NEBL: variants seen among roughly 807,000 people sequenced by gnomAD.
The protein encoded by NEBL is LIM and SH3 protein 2.
NEBL carries 122 observed loss-of-function variants against 140.2 expected under a neutral mutation model. That is an observed-to-expected ratio of 0.87 (90% CI 0.75 to 1.01). The LOEUF (loss-of-function observed/expected upper bound fraction) is 1.01, where lower values mean the gene tolerates loss of function less well. Ranked by LOEUF, NEBL falls within the 50% of genes least tolerant of loss-of-function variation. The pLI is 0.00. For synonymous variants in NEBL, 436 were observed against 398.9 expected (o/e 1.09, Z -1.11); for missense variants, 1,365 against 1,231.3 (o/e 1.11, Z -1.62).
intron 4 of NEBL, among the ~76,000 whole-genome samples, chr10:20,914,476 T>C (rs575905124): frequency 6.6e-6 from 1 of 152,352 alleles, no homozygotes; most frequent in South Asian, 2.1e-4. Flanking sequence ...GAAGCAAACA[T>C]TCCTAATACA....
In NEBL at chr10:21,120,374, CAA is replaced by C. The variant is rs1157067083; in HGVS notation, c.164+52007_164+52008del. 2.1e-4 allele frequency among the ~76,000 whole-genome samples: 10 copies of C among 48,392 alleles called. 1 individual carries two copies. The highest frequency in any genetic ancestry group is 9.2e-4 in the African/African-American group (10 of 10,822). The allele number at this position is 48,392 out of a possible 152,430, so 31.7% of individuals were successfully genotyped here. A position where few individuals can be genotyped will look rare whatever the true frequency, so the allele number is the denominator to read the frequency against. Reference sequence around the variant, plus strand: ...TGGGCAACAGAGTGAGACTGTGTCTCAAAAAAAAAAAAAAAATACATATATAT... The same window carrying C: ...TGGGCAACAGAGTGAGACTGTGTCTCAAAAAAAAAAAAAATACATATATAT... On this transcript the variant is annotated intron_variant, in intron 2 of 6. Coordinates refer to the NEBL transcript ENST00000417816.
chr10:21,248,891 T>C (rs1842552490), intron 2 of NEBL, among the ~76,000 whole-genome samples: 2 of 152,154 alleles, frequency 1.3e-5, no homozygotes. Context: ...TGATGTCTCA[T>C]TGTGGTTTTG....
rs1841185658 is a variant in NEBL, at chr10:21,173,688, C to G, written c.69+77G>C. 2 of 1,605,732 alleles carry G rather than the reference C, an allele frequency of 1.2e-6. No homozygotes were observed. Among genetic ancestry groups the G allele is most frequent in the African/African-American group, 2.7e-5 (2 of 74,888 alleles). ...CCGACCCACTCATTGCTTTCCATCCCAGGTGCCAAAACTTCTCGAAGCAGG... is the reference window on the plus strand; with the variant it reads ...CCGACCCACTCATTGCTTTCCATCCGAGGTGCCAAAACTTCTCGAAGCAGG... On this transcript the variant is annotated intron_variant, in intron 1 of 6. Transcript: ENST00000417816. The surrounding 1 kb of genome is among the most constrained non-coding windows in gnomAD (Gnocchi z 5.7).
At chr10:20,887,971 G>A in intron 4 of NEBL, 126 bp downstream of exon 4, 1 of 733,990 alleles carries the variant, frequency 1.4e-6, no homozygotes, top group Non-Finnish European at 2.4e-6. Context: ...ACATTAATCA[G>A]TTGCTTTCAA....
intron 3 of NEBL, among the ~76,000 whole-genome samples, chr10:21,247,449 T>G (rs1842532750): frequency 6.6e-6 from 1 of 151,806 alleles, no homozygotes; most frequent in Non-Finnish European, 1.5e-5. Flanking sequence ...GGGGTTGGAG[T>G]TGGGGGAGCA....
At chr10:20,861,921 T>C (rs1045885554) in intron 7 of NEBL, among the ~76,000 whole-genome samples, 5 of 152,156 alleles carry the variant, frequency 3.3e-5, no homozygotes, top group Non-Finnish European at 7.4e-5. Context: ...ACCCCTAACC[T>C]ACCAAACATC....
intron 26 of NEBL, among the ~76,000 whole-genome samples, chr10:20,803,062 G>T (rs1837271360): frequency 6.6e-6 from 1 of 152,070 alleles, no homozygotes. Flanking sequence ...GCCACCGCAG[G>T]ACACCACTGC....
At chr10:20,925,647 C>T (rs528283656) in intron 4 of NEBL, among the ~76,000 whole-genome samples, 3 of 151,958 alleles carry the variant, frequency 2.0e-5, no homozygotes, top group African/African-American at 7.2e-5. Flanking sequence ...CCTTAACCCA[C>T]ACATTTAGAA....
intron 1 of NEBL, among the ~76,000 whole-genome samples, chr10:21,287,063 G>C (rs1843065622): frequency 6.6e-6 from 1 of 152,256 alleles, no homozygotes; most frequent in South Asian, 2.1e-4. Context: ...TAAGAACCAA[G>C]GCTGGTTACG....
chr10:21,023,620 A>T (rs1838890509), intron 2 of NEBL, among the ~76,000 whole-genome samples: 2 of 152,224 alleles, frequency 1.3e-5, no homozygotes, highest in Middle Eastern at 3.4e-3. Context: ...GCTGGAACCC[A>T]GGAGGCGGAG....
chr10:21,275,171 C>T (rs536049543), intron 1 of NEBL, among the ~76,000 whole-genome samples: 1 of 152,286 alleles, frequency 6.6e-6, no homozygotes, highest in Admixed American at 6.5e-5. Context: ...GCCTCATGAG[C>T]GACCCTGGAG....
intron 3 of NEBL, among the ~76,000 whole-genome samples, chr10:21,019,863 TTGACTC>T (rs1258620471): frequency 6.6e-6 from 1 of 152,206 alleles, no homozygotes; most frequent in Non-Finnish European, 1.5e-5. Context: ...TTGGGAAACA[TTGACTC>T]TGACCGGAAC....
intron 3 of NEBL, among the ~76,000 whole-genome samples, chr10:21,018,315 G>A (rs928517827): frequency 1.3e-5 from 2 of 152,180 alleles, no homozygotes; most frequent in Non-Finnish European, 2.9e-5. Context: ...TCTATGTCCA[G>A]TGTGTACTTG....
At chr10:21,166,319 C>T (rs559331258) in intron 2 of NEBL, among the ~76,000 whole-genome samples, 5 of 151,568 alleles carry the variant, frequency 3.3e-5, no homozygotes, top group South Asian at 4.2e-4. Context: ...AAAAGTTTGC[C>T]GAAAGAATTC....
chr10:21,184,387 G>A (rs889218319), intron 3 of NEBL, among the ~76,000 whole-genome samples: 2 of 152,154 alleles, frequency 1.3e-5, no homozygotes, highest in Non-Finnish European at 2.9e-5. Flanking sequence ...TTTCCCTTCA[G>A]GATAATGACT....
chr10:20,792,123 G>GAAAAAAAAAAAAAAAAAAAA (rs11286684), intron 26 of NEBL, among the ~76,000 whole-genome samples: 1 of 106,748 alleles, frequency 9.4e-6, no homozygotes, highest in African/African-American at 3.1e-5. Context: ...ATTCCAAATA[G>GAAAAAAAAAAAAAAAAAAAA]AAAAAAAAAA....
chr10:21,164,502 C>T (rs1840681612), intron 2 of NEBL, among the ~76,000 whole-genome samples: 2 of 152,208 alleles, frequency 1.3e-5, no homozygotes, highest in Non-Finnish European at 2.9e-5. Flanking sequence ...TTGCATTAAC[C>T]TTGCATTTCA....
intron 26 of NEBL, among the ~76,000 whole-genome samples, chr10:20,794,670 G>A (rs1836333329): frequency 6.6e-6 from 1 of 152,064 alleles, no homozygotes; most frequent in Admixed American, 6.6e-5. Flanking sequence ...AGTTAGTGGG[G>A]GAAAGAGGTA....
In NEBL at chr10:21,057,642, G is replaced by A. The variant is rs368795599; in HGVS notation, c.165-37441C>T. 1.0e-3 allele frequency among the ~76,000 whole-genome samples: 55 copies of A among 53,236 alleles called. 1 individual carries two copies. The South Asian group carries it at 0.021, about 20-fold the overall frequency. The allele number at this position is 53,236 out of a possible 152,430, so 34.9% of individuals were successfully genotyped here. On this transcript the variant is annotated intron_variant, in intron 2 of 6. Transcript: ENST00000417816. ...TTGGCTCACGGCAACCTCTGCCTCC[G>A]AGGCTCGAGCAATCCTCCCACCTCA...
Sources: gnomAD v4.1 joint callset for allele counts (sites outside exome capture counted in the v4.1 genomes callset) on GRCh38, gnomAD v4.1.1 for gene constraint, Gnocchi (gnomAD v3.1) non-coding constraint, MANE v1.5 for transcripts, NCBI Gene and HGNC (gene_info 2026-07-23, HGNC 2026-07-21) for gene names.